ATP2B2: variants seen among roughly 807,000 people sequenced by gnomAD.
ATP2B2 encodes the protein plasma membrane calcium-transporting ATPase 2.
In ATP2B2, 15 loss-of-function variants were observed where a neutral mutation model predicts 120.0. The ratio of observed to expected loss-of-function variants is 0.12; its 90% CI spans 0.08 to 0.19. The LOEUF (loss-of-function observed/expected upper bound fraction) is 0.19. Among genes scored for constraint, ATP2B2 ranks in the 10% least tolerant of loss-of-function variants. ATP2B2 has a pLI of 1.00. For missense variants in ATP2B2, 1,045 were observed against 1,719.8 expected (o/e 0.61, Z 6.94); for synonymous variants, 694 against 700.3 (o/e 0.99, Z 0.14).
intron 2 of ATP2B2, among the ~76,000 whole-genome samples, chr3:10,440,569 C>G (rs1001506216): frequency 6.6e-6 from 1 of 152,220 alleles, no homozygotes; most frequent in Admixed American, 6.5e-5. Flanking sequence ...CATCACAGGG[C>G]CTTTGCTCAC....
chr3:10,419,818 G>T (rs1275641396), intron 2 of ATP2B2, among the ~76,000 whole-genome samples: 1 of 152,196 alleles, frequency 6.6e-6, no homozygotes, highest in South Asian at 2.1e-4. Context: ...ATCTAGTTGG[G>T]GGTAGGCTGT....
At position 10,410,634 on chromosome 3, in the gene ATP2B2, G is replaced by A. The variant is rs748931009; in HGVS notation, c.381C>T (p.Pro127=). The A allele has an allele frequency of 1.4e-5, 23 of 1,607,324 alleles. No individual in the cohort carries two copies. In the East Asian group the frequency reaches 1.8e-4, roughly 12 times the overall value. ...ISLGLSFYHP[P]GEGNEGCATA... ...CCATCTTACCTTCGTTGCCCTCGCCGGGCGGGTGGTAGAAGGACAGCCCCA... is the reference window on the plus strand; with the variant it reads ...CCATCTTACCTTCGTTGCCCTCGCCAGGCGGGTGGTAGAAGGACAGCCCCA... The change falls in exon 3 of 23, where the codon CCC becomes CCT. Residue 127 remains proline, a synonymous_variant. Transcript: ENST00000360273.
At chr3:10,406,316 T>C (rs998832718) in intron 3 of ATP2B2, among the ~76,000 whole-genome samples, 1 of 152,204 alleles carries the variant, frequency 6.6e-6, no homozygotes, top group African/African-American at 2.4e-5. Context: ...TAGGTAAAAC[T>C]AGACACTGTG....
At chr3:10,700,804 G>C (rs1336075248) in intron 1 of ATP2B2, among the ~76,000 whole-genome samples, 2 of 152,216 alleles carry the variant, frequency 1.3e-5, no homozygotes, top group African/African-American at 4.8e-5. Context: ...TGTGAGCTCT[G>C]CCCTGTGTCA....
intron 1 of ATP2B2, among the ~76,000 whole-genome samples, chr3:10,469,989 A>G (rs1444636574): frequency 6.6e-6 from 1 of 151,974 alleles, no homozygotes; most frequent in Non-Finnish European, 1.5e-5. Context: ...GTATATAATA[A>G]TAGAACAGCG....
intron 3 of ATP2B2, among the ~76,000 whole-genome samples, chr3:10,531,294 T>C (rs925952207): frequency 3.3e-5 from 5 of 152,188 alleles, no homozygotes; most frequent in Admixed American, 2.0e-4. Context: ...ACCCCAGACT[T>C]GGAAACGCAG....
At chr3:10,634,961 G>A (rs1234620613) in intron 1 of ATP2B2, among the ~76,000 whole-genome samples, 1 of 152,210 alleles carries the variant, frequency 6.6e-6, no homozygotes, top group Non-Finnish European at 1.5e-5. Flanking sequence ...CAAAGGATCA[G>A]AGGGTTGGGG....
chr3:10,592,942 C>A (rs530533530), intron 2 of ATP2B2, among the ~76,000 whole-genome samples: 15 of 152,124 alleles, frequency 9.9e-5, no homozygotes, highest in Admixed American at 6.5e-5. Flanking sequence ...ACCACCACCA[C>A]GCCTGGCTAA....
chr3:10,661,136 A>G (rs1399797553), intron 1 of ATP2B2, among the ~76,000 whole-genome samples: 1 of 152,196 alleles, frequency 6.6e-6, no homozygotes, highest in Non-Finnish European at 1.5e-5. Flanking sequence ...CCCTCAGCCA[A>G]TATCATACTG....
intron 16 of ATP2B2, among the ~76,000 whole-genome samples, chr3:10,348,184 G>C (rs73129232): frequency 2.0e-5 from 3 of 152,068 alleles, no homozygotes; most frequent in Admixed American, 2.0e-4. Context: ...AGACTGATGG[G>C]ATCCCAGACC....
chr3:10,594,485 C>T (rs999780751), intron 2 of ATP2B2, among the ~76,000 whole-genome samples: 2 of 147,764 alleles, frequency 1.4e-5, no homozygotes, highest in African/African-American at 5.1e-5. Context: ...CCAAACATTG[C>T]ATGTTCTCAC....
chr3:10,606,372 G>A (rs1326177894), intron 2 of ATP2B2, among the ~76,000 whole-genome samples: 1 of 152,128 alleles, frequency 6.6e-6, no homozygotes, highest in Admixed American at 6.5e-5. Context: ...AATAGATGGT[G>A]GCAATGACTC....
At chr3:10,579,999 G>A (rs2068350411) in intron 2 of ATP2B2, among the ~76,000 whole-genome samples, 3 of 152,166 alleles carry the variant, frequency 2.0e-5, no homozygotes, top group Admixed American at 2.0e-4. Context: ...AGAGGCCCAA[G>A]GGATTCAGAA....
chr3:10,393,248 C>T (rs1187285494), intron 5 of ATP2B2, among the ~76,000 whole-genome samples: 8 of 152,122 alleles, frequency 5.3e-5, no homozygotes, highest in Admixed American at 3.9e-4. Context: ...GTGATGGTAG[C>T]GGGCGGGCCG....
In ATP2B2 at chr3:10,324,673, G is replaced by T. The variant is rs118115985; in HGVS notation, c.*4141C>A. On this transcript the variant is annotated 3_prime_UTR_variant, in exon 23 of 23. Coordinates refer to ENST00000360273, the MANE Select transcript of ATP2B2 (RefSeq NM_001001331.4). ...AGGTTGGCAGCCTCCTGCAGGTAGC[G>T]CAAGAGTGGGCTAGGGGAGTGAGGG... The T allele has an allele frequency of 6.6e-6, 1 of 152,234 alleles. No individual in the cohort carries two copies. Among genetic ancestry groups the T allele is most frequent in the Non-Finnish European group, 1.5e-5 (1 of 68,076 alleles). 9.4% of individuals were successfully genotyped at this position (152,234 alleles called of 1,614,324 possible). A position where few individuals can be genotyped will look rare whatever the true frequency, so the allele number is the denominator to read the frequency against.
intron 6 of ATP2B2, 37 bp downstream of exon 6, chr3:10,388,240 G>A (rs763227430): frequency 6.2e-7 from 1 of 1,613,790 alleles, no homozygotes; most frequent in East Asian, 2.2e-5. Context: ...GTGGCCTTAA[G>A]AGCTCCTCTC....
upstream of ATP2B2, among the ~76,000 whole-genome samples, chr3:10,505,938 G>A (rs2125424009): frequency 6.6e-6 from 1 of 152,260 alleles, no homozygotes; most frequent in Non-Finnish European, 1.5e-5. Flanking sequence ...AGGGCACGGA[G>A]AGGGTAGGGC....
chr3:10,471,581 G>A (rs1297173693), intron 1 of ATP2B2, among the ~76,000 whole-genome samples: 1 of 151,832 alleles, frequency 6.6e-6, no homozygotes, highest in Non-Finnish European at 1.5e-5. Flanking sequence ...AGGGAGGGAG[G>A]AAAGGAGGCG....
Position 10,511,037 on chromosome 3 carries a change from C to A in ATP2B2, c.-320+23002G>T, listed in dbSNP as rs149633987. Among the ~76,000 whole-genome samples, 107 of 152,286 alleles carry A rather than the reference C, an allele frequency of 7.0e-4. 1 individual carries two copies. The highest frequency in any genetic ancestry group is 2.0e-3 in the Admixed American group (31 of 15,290). On this transcript the variant is annotated intron_variant, in intron 3 of 21. Coordinates refer to the ATP2B2 transcript ENST00000646379. Reference sequence around the variant, plus strand: ...AAACTCCTCACTGTGGCTCATGAGGCCCAAATAACCACTCCAGACTGCTCC... The same window carrying A: ...AAACTCCTCACTGTGGCTCATGAGGACCAAATAACCACTCCAGACTGCTCC...
Sources: gnomAD v4.1 joint callset for allele counts (sites outside exome capture counted in the v4.1 genomes callset) on GRCh38, gnomAD v4.1.1 for gene constraint, MANE v1.5 for transcripts, NCBI Gene and HGNC (gene_info 2026-07-23, HGNC 2026-07-21) for gene names.